Variants in MARCHF11 observed in about 807,000 individuals in gnomAD.
MARCHF11 encodes the protein E3 ubiquitin-protein ligase MARCHF11.
Under a neutral mutation model 37.3 loss-of-function variants are expected in MARCHF11, and 29 were observed. The observed-to-expected ratio is 0.78, with a 90% confidence interval of 0.58 to 1.06. The LOEUF is 1.06. MARCHF11 is among the 50% of genes least tolerant of loss of function. The pLI, the probability that MARCHF11 is intolerant of heterozygous loss-of-function variation, is 0.00. For missense variants in MARCHF11, 482 were observed against 533.4 expected (o/e 0.90, Z 0.95); for synonymous variants, 233 against 228.0 (o/e 1.02, Z -0.20).
At chr5:16,086,123 A>G (rs1736694700) in intron 3 of MARCHF11, among the ~76,000 whole-genome samples, 1 of 152,294 alleles carries the variant, frequency 6.6e-6, no homozygotes, top group South Asian at 2.1e-4. Flanking sequence ...GTTTAAATAC[A>G]TTGTTGTACA....
At chr5:16,135,896 A>G (rs1323157666) in intron 2 of MARCHF11, among the ~76,000 whole-genome samples, 3 of 151,288 alleles carry the variant, frequency 2.0e-5, no homozygotes, top group East Asian at 1.9e-4. Flanking sequence ...AAAAAAAAAA[A>G]AAGAAGGAAG....
At chr5:16,162,764 G>A (rs545394331) in intron 2 of MARCHF11, among the ~76,000 whole-genome samples, 39 of 151,918 alleles carry the variant, frequency 2.6e-4, no homozygotes, top group African/African-American at 8.7e-4. Context: ...ATATTAAATG[G>A]ATGAACAAAT....
intron 2 of MARCHF11, among the ~76,000 whole-genome samples, chr5:16,140,630 A>G (rs561767027): frequency 1.9e-4 from 29 of 152,142 alleles, no homozygotes; most frequent in African/African-American, 7.0e-4. Flanking sequence ...CTCTACACCA[A>G]CCCCCTACAA....
intron 2 of MARCHF11, among the ~76,000 whole-genome samples, chr5:16,159,198 G>C (rs747035669): frequency 5.1e-4 from 77 of 151,824 alleles, no homozygotes; most frequent in Admixed American, 7.2e-4. Flanking sequence ...TTATATAAAT[G>C]AATAAAATAA....
At chr5:16,090,686 AT>A (rs918565528) in intron 3 of MARCHF11, among the ~76,000 whole-genome samples, 3 of 151,430 alleles carry the variant, frequency 2.0e-5, no homozygotes, top group East Asian at 1.9e-4. Flanking sequence ...TATCCTGTTA[AT>A]TTTTTTTCAA....
chr5:16,072,636 T>A (rs1408750094), intron 3 of MARCHF11, among the ~76,000 whole-genome samples: 1 of 151,988 alleles, frequency 6.6e-6, no homozygotes, highest in Non-Finnish European at 1.5e-5. Context: ...ACACCAGATA[T>A]GCTGCTGGCC....
intron 3 of MARCHF11, among the ~76,000 whole-genome samples, chr5:16,072,701 A>C (rs553646165): frequency 6.6e-6 from 1 of 152,228 alleles, no homozygotes; most frequent in East Asian, 1.9e-4. Flanking sequence ...TTTTGATTGA[A>C]CAGCACACAG....
chr5:16,120,653 C>A (rs892230104), intron 2 of MARCHF11, among the ~76,000 whole-genome samples: 1 of 152,332 alleles, frequency 6.6e-6, no homozygotes, highest in East Asian at 1.9e-4. Flanking sequence ...GCCACATGAG[C>A]GGCAGCTCCT....
chr5:16,084,756 G>GT (rs35564919), intron 3 of MARCHF11, among the ~76,000 whole-genome samples: 186 of 130,606 alleles, frequency 1.4e-3, no homozygotes, highest in Non-Finnish European at 1.4e-3. Context: ...AGAAGGAGCA[G>GT]TTTTTTTTTT....
In MARCHF11 at chr5:16,078,599, A is replaced by C. The variant is rs889616187; in HGVS notation, c.887-10806T>G. Among the ~76,000 whole-genome samples, 5 of 152,298 alleles carry C rather than the reference A, an allele frequency of 3.3e-5. No individual in the cohort carries two copies. In the East Asian group the frequency reaches 7.7e-4, roughly 24 times the overall value. ...GGTCATGTTCACATTTCTTTGAAAG[A>C]AAGTTCTTTGGTGCAAAATAGTACA... On this transcript the variant is annotated intron_variant, in intron 3 of 3. Transcript: ENST00000332432.
chr5:16,074,723 C>A (rs560456171), intron 3 of MARCHF11, among the ~76,000 whole-genome samples: 1 of 152,274 alleles, frequency 6.6e-6, no homozygotes, highest in African/African-American at 2.4e-5. Flanking sequence ...TATTGTGAAA[C>A]TTACCGTGAC....
chr5:16,116,293 C>A (rs945903013), intron 2 of MARCHF11, among the ~76,000 whole-genome samples: 1 of 152,176 alleles, frequency 6.6e-6, no homozygotes, highest in Non-Finnish European at 1.5e-5. Flanking sequence ...ACTGACCACA[C>A]TTCAGTGCCA....
At chr5:16,172,724 C>T (rs1038608791) in intron 2 of MARCHF11, among the ~76,000 whole-genome samples, 3 of 152,170 alleles carry the variant, frequency 2.0e-5, no homozygotes, top group African/African-American at 7.2e-5. Flanking sequence ...TACTAACAAT[C>T]AGTTCTGAAG....
At chr5:16,158,813 T>C (rs1324428854) in intron 2 of MARCHF11, among the ~76,000 whole-genome samples, 1 of 151,968 alleles carries the variant, frequency 6.6e-6, no homozygotes, top group African/African-American at 2.4e-5. Flanking sequence ...ATCACCTAGA[T>C]ATTAAGCCCA....
At chr5:16,142,724 T>C (rs1210564947) in intron 2 of MARCHF11, among the ~76,000 whole-genome samples, 1 of 134,018 alleles carries the variant, frequency 7.5e-6, no homozygotes, top group Non-Finnish European at 1.6e-5. Context: ...GGAGTTTCGC[T>C]CTTGTTGCCT....
At chr5:16,085,288 A>T (rs1736676274) in intron 3 of MARCHF11, among the ~76,000 whole-genome samples, 1 of 152,060 alleles carries the variant, frequency 6.6e-6, no homozygotes, top group African/African-American at 2.4e-5. Flanking sequence ...TCTGATCTTG[A>T]TCAGTTCTTA....
chr5:16,096,458 T>A (rs980730032), intron 2 of MARCHF11, among the ~76,000 whole-genome samples: 1 of 152,196 alleles, frequency 6.6e-6, no homozygotes, highest in Non-Finnish European at 1.5e-5. Context: ...ATCAATAGGG[T>A]CCACCAGTCC....
Position 16,161,139 on chromosome 5 carries a change from A to T in MARCHF11, c.693+16587T>A, listed in dbSNP as rs150369628. Among the ~76,000 whole-genome samples, 462 of 151,576 alleles carry T rather than the reference A, an allele frequency of 3.0e-3. 3 individuals carry two copies. The highest frequency in any genetic ancestry group is 0.011 in the African/African-American group (441 of 41,432). ...CCATGTTGGTGTGCTGCACCCATTA[A>T]CGCTTCATTTACATTGGGTGTATCT... On this transcript the variant is annotated intron_variant, in intron 2 of 3. Coordinates refer to ENST00000332432, the MANE Select transcript of MARCHF11 (RefSeq NM_001102562.3).
At chr5:16,073,706 G>A (rs778093897) in intron 3 of MARCHF11, among the ~76,000 whole-genome samples, 23 of 151,842 alleles carry the variant, frequency 1.5e-4, no homozygotes, top group Non-Finnish European at 2.2e-4. Context: ...CATCACAGAA[G>A]TCACTAAGCT....
Sources: gnomAD v4.1 joint callset for allele counts (sites outside exome capture counted in the v4.1 genomes callset) on GRCh38, gnomAD v4.1.1 for gene constraint, MANE v1.5 for transcripts, NCBI Gene and HGNC (gene_info 2026-07-23, HGNC 2026-07-21) for gene names.